Variants in RHOBTB3 observed in about 807,000 individuals in gnomAD.
RHOBTB3 encodes the protein Rho related BTB domain containing 3.
Under a neutral mutation model 67.2 loss-of-function variants are expected in RHOBTB3, and 47 were observed. The ratio of observed to expected loss-of-function variants is 0.70; its 90% CI spans 0.55 to 0.89. The LOEUF is 0.89. Among genes scored for constraint, RHOBTB3 ranks in the 40% least tolerant of loss-of-function variants. The probability of loss-of-function intolerance (pLI) is 0.00; values close to 1 mark genes in which losing one functional copy is unlikely to be tolerated. For missense variants in RHOBTB3, 631 were observed against 750.0 expected (o/e 0.84, Z 1.85); for synonymous variants, 273 against 274.2 (o/e 1.00, Z 0.04).
intron 2 of RHOBTB3, among the ~76,000 whole-genome samples, chr5:95,733,297 A>G (rs1163281219): frequency 6.6e-6 from 1 of 152,224 alleles, no homozygotes; most frequent in African/African-American, 2.4e-5. Flanking sequence ...GTCAGAGTCT[A>G]TGCAGGCAAA....
At chr5:95,781,293 C>G (rs1034113576) in intron 9 of RHOBTB3, 13 of 152,218 alleles carry the variant, frequency 8.5e-5, no homozygotes, top group South Asian at 2.1e-4. Context: ...ATTAGAGAAC[C>G]TGGTCAGGCA....
intron 5 of RHOBTB3, 141 bp downstream of exon 5, chr5:95,752,491 C>A: frequency 1.5e-6 from 1 of 664,776 alleles, no homozygotes; most frequent in South Asian, 1.9e-5. Flanking sequence ...TGGGATAAGG[C>A]CTAGAATCTG....
At chr5:95,754,041 G>A (rs1031235285) in intron 5 of RHOBTB3, among the ~76,000 whole-genome samples, 11 of 152,100 alleles carry the variant, frequency 7.2e-5, no homozygotes, top group Non-Finnish European at 1.0e-4. Context: ...GGGTGGCAGA[G>A]GTTGCAGTGA....
At chr5:95,718,586 T>C (rs1754759443) in intron 1 of RHOBTB3, among the ~76,000 whole-genome samples, 2 of 152,160 alleles carry the variant, frequency 1.3e-5, no homozygotes, top group South Asian at 4.1e-4. Context: ...AGCCAGGCAA[T>C]ACCAAATGCT....
At chr5:95,731,716 C>G in intron 1 of RHOBTB3, 32 bp downstream of exon 1, 1 of 1,613,070 alleles carries the variant, frequency 6.2e-7, no homozygotes, top group Non-Finnish European at 8.5e-7. Context: ...GCCATTGTCT[C>G]TCTCCAGCGC....
At chr5:95,730,165 A>G (rs1487532851), upstream of RHOBTB3, among the ~76,000 whole-genome samples, 3 of 152,152 alleles carry the variant, frequency 2.0e-5, no homozygotes, top group Non-Finnish European at 2.9e-5. Context: ...ACTACTTTCA[A>G]CCGAGCAATA....
At chr5:95,740,439 C>A (rs1361902074) in intron 3 of RHOBTB3, among the ~76,000 whole-genome samples, 1 of 152,158 alleles carries the variant, frequency 6.6e-6, no homozygotes, top group Non-Finnish European at 1.5e-5. Flanking sequence ...TTGGCAACAT[C>A]CCCCAAATGC....
At chr5:95,748,304 A>G in intron 3 of RHOBTB3, 29 bp from the exon 4 acceptor site, 5 of 1,553,308 alleles carry the variant, frequency 3.2e-6, no homozygotes, top group Non-Finnish European at 4.4e-6. Context: ...TAATTTCGAA[A>G]CTCTTTGTTT....
chr5:95,724,690 G>T (rs771852844), intron 1 of RHOBTB3, among the ~76,000 whole-genome samples: 1 of 152,002 alleles, frequency 6.6e-6, no homozygotes, highest in Non-Finnish European at 1.5e-5. Context: ...GGTTTCGAAC[G>T]CCTGACCACA....
At chr5:95,771,968 A>AT (rs2112819301) in intron 8 of RHOBTB3, among the ~76,000 whole-genome samples, 1 of 151,962 alleles carries the variant, frequency 6.6e-6, no homozygotes, top group African/African-American at 2.4e-5. Flanking sequence ...TTAAAAAAAA[A>AT]GTCTAGTTTA....
chr5:95,735,664 G>T, intron 2 of RHOBTB3, among the ~76,000 whole-genome samples: 1 of 152,010 alleles, frequency 6.6e-6, no homozygotes, highest in South Asian at 2.1e-4. Flanking sequence ...TGTACCAAAG[G>T]CCACATAAAA....
At chr5:95,792,312 G>A (rs1159210872) in intron 11 of RHOBTB3, among the ~76,000 whole-genome samples, 5 of 151,164 alleles carry the variant, frequency 3.3e-5, no homozygotes, top group African/African-American at 7.3e-5. Context: ...GCGTGAACCC[G>A]GAAGGCAGAG....
chr5:95,738,285 TAA>T (rs2112778190), intron 3 of RHOBTB3, among the ~76,000 whole-genome samples: 2 of 152,280 alleles, frequency 1.3e-5, no homozygotes, highest in South Asian at 4.1e-4. Context: ...TCATGATTCA[TAA>T]AAGAGTTATC....
intron 8 of RHOBTB3, chr5:95,769,855 T>C (rs1010426272): frequency 2.4e-5 from 7 of 297,408 alleles, no homozygotes; most frequent in Non-Finnish European, 4.6e-5. Context: ...TTGGTTGTCA[T>C]TGCTGAAGAT....
At chr5:95,774,466 C>T (rs1362910419) in intron 8 of RHOBTB3, among the ~76,000 whole-genome samples, 1 of 152,136 alleles carries the variant, frequency 6.6e-6, no homozygotes, top group African/African-American at 2.4e-5. Context: ...CATTATATGG[C>T]TATATCCTAT....
rs1176565363 is a variant in RHOBTB3, at chr5:95,755,789, T to G, written c.1048+28T>G. 4 of 1,608,490 alleles carry G rather than the reference T, an allele frequency of 2.5e-6. No individual in the cohort carries two copies. In the African/African-American group the frequency reaches 5.3e-5, roughly 21 times the overall value. ...ATCTTGTCAAGTGGTTCTGGTTACT[T>G]ACAATCTCATAAGCTTTGGAAATGA... On this transcript the variant is annotated intron_variant, in intron 6 of 11. Transcript: ENST00000379982.
chr5:95,722,566 C>T (rs1277891973), intron 1 of RHOBTB3, among the ~76,000 whole-genome samples: 3 of 152,122 alleles, frequency 2.0e-5, no homozygotes, highest in East Asian at 1.9e-4. Flanking sequence ...CCTCGGCTCA[C>T]GCAACCTCCG....
upstream of RHOBTB3, chr5:95,730,933 A>T (rs1348412087): frequency 2.2e-6 from 1 of 462,724 alleles, no homozygotes; most frequent in Non-Finnish European, 4.3e-6. Context: ...AGGGGGGGAA[A>T]TCGGGTTGCT....
Position 95,793,375 on chromosome 5 carries a change from C to G in RHOBTB3, c.*201C>G. The stretch of plus-strand genomic sequence containing the variant: ...GAACAAAATATACCATAGGCTAAAA[C>G]TAAGGCTTTCACTCTAGAATGCAAA... On this transcript the variant is annotated 3_prime_UTR_variant, in exon 12 of 12. Transcript: ENST00000379982. The G allele has an allele frequency of 2.5e-6, 1 of 406,816 alleles. No homozygotes were observed. The highest frequency in any genetic ancestry group is 2.1e-5 in the African/African-American group (1 of 48,460). 25.2% of individuals were successfully genotyped at this position (406,816 alleles called of 1,614,324 possible). A position where few individuals can be genotyped will look rare whatever the true frequency, so the allele number is the denominator to read the frequency against.
Sources: allele counts gnomAD v4.1 joint callset (sites outside exome capture counted in the v4.1 genomes callset), GRCh38; gene constraint gnomAD v4.1.1; transcripts MANE v1.5; gene names NCBI Gene and HGNC (gene_info 2026-07-23, HGNC 2026-07-21).